FSD1L: variants seen among roughly 807,000 people sequenced by gnomAD.
FSD1L encodes FSD1-like protein.
Under a neutral mutation model 71.6 loss-of-function variants are expected in FSD1L, and 45 were observed. The observed-to-expected ratio is 0.63, with a 90% CI of 0.49 to 0.81. The LOEUF (loss-of-function observed/expected upper bound fraction) is 0.81. Among genes scored for constraint, FSD1L ranks in the 30% least tolerant of loss-of-function variants. The pLI is 0.00. For missense variants in FSD1L, 561 were observed against 618.1 expected (o/e 0.91, Z 0.98); for synonymous variants, 197 against 207.2 (o/e 0.95, Z 0.42).
chr9:105,458,995 C>A (rs193042779), intron 1 of FSD1L, among the ~76,000 whole-genome samples: 5 of 152,196 alleles, frequency 3.3e-5, no homozygotes, highest in Admixed American at 2.6e-4. Flanking sequence ...TATTTTAGAT[C>A]TTTTCTGCTC....
At chr9:105,538,578 TCAGA>T (rs925499949) in intron 12 of FSD1L, among the ~76,000 whole-genome samples, 13 of 151,970 alleles carry the variant, frequency 8.6e-5, no homozygotes, top group South Asian at 2.1e-4. Context: ...GTTTAGGAGG[TCAGA>T]CAGACAGTTT....
At chr9:105,510,545 G>A (rs1283647667) in intron 9 of FSD1L, among the ~76,000 whole-genome samples, 4 of 152,136 alleles carry the variant, frequency 2.6e-5, no homozygotes, top group Non-Finnish European at 5.9e-5. Context: ...AGGAAGAAAG[G>A]TGGAGATTGA....
chr9:105,478,056 A>C (rs1161283780), intron 5 of FSD1L, among the ~76,000 whole-genome samples: 1 of 152,108 alleles, frequency 6.6e-6, no homozygotes, highest in Non-Finnish European at 1.5e-5. Flanking sequence ...TGTCTTGTCT[A>C]ACATGGTGAA....
chr9:105,479,645 ATTAG>A (rs1832040927), intron 6 of FSD1L, among the ~76,000 whole-genome samples: 1 of 152,226 alleles, frequency 6.6e-6, no homozygotes, highest in Non-Finnish European at 1.5e-5. Flanking sequence ...ACAGTTCTTA[ATTAG>A]TTGTACTAAT....
chr9:105,508,253 C>T, intron 8 of FSD1L, among the ~76,000 whole-genome samples: 1 of 145,546 alleles, frequency 6.9e-6, no homozygotes, highest in Non-Finnish European at 1.5e-5. Context: ...TCTCAGCTAA[C>T]TGCAAGCTCC....
At chr9:105,525,462 G>A in intron 10 of FSD1L, 5 of 1,608,006 alleles carry the variant, frequency 3.1e-6, no homozygotes, top group Non-Finnish European at 1.7e-6. Context: ...TTGTTGAGAA[G>A]CACTTTAATG....
intron 7 of FSD1L, among the ~76,000 whole-genome samples, chr9:105,492,749 T>C (rs1299115925): frequency 5.3e-5 from 8 of 152,138 alleles, no homozygotes; most frequent in Non-Finnish European, 7.4e-5. Context: ...GCCGTCATTT[T>C]GTTATGTACC....
chr9:105,462,501 A>C (rs1216708749), intron 2 of FSD1L, among the ~76,000 whole-genome samples: 1 of 138,658 alleles, frequency 7.2e-6, no homozygotes, highest in Non-Finnish European at 1.5e-5. Context: ...GATTACAGGC[A>C]TGAGCCACTG....
At position 105,452,621 on chromosome 9, in the gene FSD1L, G is replaced by A. The variant is rs1268133147; in HGVS notation, c.15+4386G>A. ...CCCTCCCTCCCTCCCTCCTGTGGGC[G>A]CTCGCTCGCCTGCCTGCCTGCCTGC... On this transcript the variant is annotated intron_variant, in intron 1 of 13. Transcript: ENST00000481272. Among the ~76,000 whole-genome samples, 9 of 151,148 alleles carry A rather than the reference G, an allele frequency of 6.0e-5. No individual in the cohort carries two copies. In the East Asian group the frequency reaches 1.8e-3, roughly 30 times the overall value.
At chr9:105,458,362 G>A (rs1295462436) in intron 1 of FSD1L, among the ~76,000 whole-genome samples, 1 of 152,186 alleles carries the variant, frequency 6.6e-6, no homozygotes, top group African/African-American at 2.4e-5. Context: ...GGCCAGGAAA[G>A]TGTTACAGCC....
At chr9:105,455,544 T>C (rs1005394033) in intron 1 of FSD1L, among the ~76,000 whole-genome samples, 1 of 152,170 alleles carries the variant, frequency 6.6e-6, no homozygotes, top group Non-Finnish European at 1.5e-5. Context: ...AGGAACCCTA[T>C]GATTATTTCA....
At chr9:105,484,689 G>A (rs1832420494) in intron 7 of FSD1L, among the ~76,000 whole-genome samples, 187 bp downstream of exon 7, 1 of 151,634 alleles carries the variant, frequency 6.6e-6, no homozygotes, top group African/African-American at 2.4e-5. Flanking sequence ...AGTAAAAATT[G>A]CATTTTCAGA....
At chr9:105,534,448 A>G (rs1282208952) in intron 10 of FSD1L, 45 bp from the exon 11 acceptor site, 3 of 987,068 alleles carry the variant, frequency 3.0e-6, no homozygotes, top group African/African-American at 3.3e-5. Context: ...TGAAACATTT[A>G]CAGTATAAAA....
intron 13 of FSD1L, 54 bp downstream of exon 13, chr9:105,539,405 CT>C: frequency 2.6e-6 from 2 of 770,770 alleles, no homozygotes. Context: ...TGGTTGGCAA[CT>C]TTAAGGAGAA....
intron 10 of FSD1L, among the ~76,000 whole-genome samples, chr9:105,514,946 C>G (rs984816689): frequency 2.0e-5 from 3 of 152,156 alleles, no homozygotes; most frequent in Non-Finnish European, 4.4e-5. Flanking sequence ...CTCCCCTGAC[C>G]TCTGCCCTAA....
At chr9:105,520,279 C>T (rs1835058749) in intron 10 of FSD1L, 5 of 1,568,920 alleles carry the variant, frequency 3.2e-6, no homozygotes, top group Non-Finnish European at 4.4e-6. Flanking sequence ...ATCCAGATGC[C>T]TGAATCCTAG....
intron 10 of FSD1L, chr9:105,525,918 T>C: frequency 6.4e-7 from 1 of 1,561,124 alleles, no homozygotes; most frequent in African/African-American, 1.4e-5. Flanking sequence ...CTTCTGATTC[T>C]GATGATTCTT....
chr9:105,507,928 G>A (rs983480471), intron 8 of FSD1L, among the ~76,000 whole-genome samples: 6 of 106,704 alleles, frequency 5.6e-5, no homozygotes, highest in Non-Finnish European at 9.1e-5. Flanking sequence ...TTTCACTCTT[G>A]TTGTCCAGGC....
intron 7 of FSD1L, among the ~76,000 whole-genome samples, chr9:105,493,714 A>G (rs1238848222): frequency 4.6e-5 from 7 of 152,138 alleles, no homozygotes; most frequent in Non-Finnish European, 8.8e-5. Flanking sequence ...AAAATCTCTC[A>G]GCATTTGCTT....
Sources: gnomAD v4.1 joint callset for allele counts (sites outside exome capture counted in the v4.1 genomes callset) on GRCh38, gnomAD v4.1.1 for gene constraint, MANE v1.5 for transcripts, NCBI Gene and HGNC (gene_info 2026-07-23, HGNC 2026-07-21) for gene names.